The following PIGG variants were observed in gnomAD, a reference collection of about 807,000 sequenced individuals.
PIGG encodes the protein phosphatidylinositol glycan anchor biosynthesis class G (EMM blood group), also known as GPI ethanolamine phosphate transferase 2, catalytic subunit.
PIGG carries 70 observed loss-of-function variants against 83.2 expected under a neutral mutation model. The observed-to-expected ratio is 0.84, with a 90% CI of 0.69 to 1.03. The LOEUF is 1.03. PIGG is among the 50% of genes least tolerant of loss of function. PIGG has a pLI of 0.00. For synonymous variants in PIGG, 532 were observed against 519.5 expected, an observed-to-expected ratio of 1.02 and a Z score of -0.33; for missense variants, 1,257 against 1,233.6, an observed-to-expected ratio of 1.02 and a Z score of -0.28.
chr4:502,216 TCTCCAGCTTATTGG>T (rs1718003084), intron 2 of PIGG: 1 of 152,218 alleles, frequency 6.6e-6, no homozygotes, highest in Admixed American at 6.5e-5. Context: ...GGGGCCTCTG[TCTCCAGCTTATTGG>T]TTTTATTTCA....
At chr4:527,505 T>C in intron 10 of PIGG, 1 of 1,218,590 alleles carries the variant, frequency 8.2e-7, no homozygotes, top group Non-Finnish European at 1.0e-6. Flanking sequence ...TTTTTAAATT[T>C]AAAATAAAAC....
rs77516519 is a variant in PIGG, at chr4:521,454, A to G, written c.1332+181A>G. 0.082 allele frequency among the ~76,000 whole-genome samples: 12,456 copies of G among 152,200 alleles called. 580 individuals carry two copies. Among genetic ancestry groups the G allele is most frequent in the East Asian group, 0.2 (1,026 of 5,182 alleles). ...AAGACCCAGAGTATTGTCAGTGTCA[A>G]TTGGCCTCACTCAGTATTGCTGCAG... On this transcript the variant is annotated intron_variant, in intron 7 of 12. Coordinates refer to ENST00000453061, the MANE Select transcript of PIGG (RefSeq NM_001127178.3).
At chr4:534,014 G>A (rs376419857) in intron 12 of PIGG, 33 bp downstream of exon 12, 1 of 1,602,946 alleles carries the variant, frequency 6.2e-7, no homozygotes, top group African/African-American at 1.3e-5. Context: ...GCACAGTTCT[G>A]GGGGCCGGCT....
chr4:517,507 T>TTGGTGTTCTTTACA (rs1724331658), intron 6 of PIGG, among the ~76,000 whole-genome samples: 1 of 152,022 alleles, frequency 6.6e-6, no homozygotes, highest in African/African-American at 2.4e-5. Flanking sequence ...GGTGGGGGTG[T>TTGGTGTTCTTTACA]TGGTGTCCAG....
At chr4:518,896 C>T (rs776630881) in intron 6 of PIGG, among the ~76,000 whole-genome samples, 4 of 152,092 alleles carry the variant, frequency 2.6e-5, no homozygotes, top group Admixed American at 6.5e-5. Context: ...CCCTCGGTGG[C>T]GTCCAGTCTG....
intron 2 of PIGG, among the ~76,000 whole-genome samples, chr4:500,897 C>A (rs1027516676): frequency 6.6e-6 from 1 of 152,206 alleles, no homozygotes; most frequent in African/African-American, 2.4e-5. Context: ...GACCTGCTTT[C>A]TTCTTTAATC....
intron 6 of PIGG, 125 bp from the exon 7 acceptor site, chr4:520,931 G>C: frequency 1.5e-6 from 1 of 684,102 alleles, no homozygotes; most frequent in Non-Finnish European, 2.6e-6. Context: ...TCTTCATTAA[G>C]CGTCAGTTGT....
chr4:529,860 G>A (rs889901313), intron 10 of PIGG, among the ~76,000 whole-genome samples: 10 of 152,322 alleles, frequency 6.6e-5, no homozygotes, highest in African/African-American at 2.2e-4. Flanking sequence ...AGAGCAGCAG[G>A]GCTCGGACTG....
Position 507,584 on chromosome 4 carries a change from G to A in PIGG, c.750G>A (p.Leu250=), listed in dbSNP as rs145004132. 3,544 of 1,610,602 alleles carry A rather than the reference G, an allele frequency of 2.2e-3. 7 individuals carry two copies. Among genetic ancestry groups the A allele is most frequent in the Admixed American group, 3.5e-3 (208 of 59,744 alleles). The part of the protein sequence containing the change: ...DSVLMKIHTS[L]QSKERETPLP... ...TGCTGATGAAGATCCACACCTCACT[G>A]CAGTCGAAGGTGAGGCTCGCCGTCG... Residue 250 remains leucine (L), a synonymous_variant, in exon 4 of 13, where the codon CTG becomes CTA. Coordinates refer to ENST00000453061, the MANE Select transcript of PIGG (RefSeq NM_001127178.3).
In PIGG at chr4:505,819, T is replaced by A. The variant is rs1553878753; in HGVS notation, c.462T>A (p.Ala154=). ...GTGTGATAAGACAAGCAAAAGCAGCTGGAAAAAGAATAGTCTTTTATGGAG... is the reference window on the plus strand; with the variant it reads ...GTGTGATAAGACAAGCAAAAGCAGCAGGAAAAAGAATAGTCTTTTATGGAG... ...EDSVIRQAKA[A]GKRIVFYGDE... is the part of the protein sequence containing the mutation. Residue 154 remains alanine (A), a synonymous_variant, in exon 3 of 13, where the codon GCT becomes GCA. Coordinates refer to ENST00000453061, the MANE Select transcript of PIGG (RefSeq NM_001127178.3). 6.2e-7 allele frequency: 1 copy of A among 1,613,372 alleles called. No individual in the cohort carries two copies. The highest frequency in any genetic ancestry group is 8.5e-7 in the Non-Finnish European group (1 of 1,179,710).
chr4:530,104 C>T (rs1728649819), intron 10 of PIGG, among the ~76,000 whole-genome samples: 1 of 152,078 alleles, frequency 6.6e-6, no homozygotes, highest in South Asian at 2.1e-4. Flanking sequence ...TAATTAACTG[C>T]AAAGCAGGCG....
Position 499,502 on chromosome 4 carries a change from C to G in PIGG, c.154+13C>G, listed in dbSNP as rs1025401303. Reference sequence around the variant, plus strand: ...GAACCCTCGGCTGGTACGGACCCCTCCCCGGCGTCTCCGCTCCCCTGACCC... The same window carrying G: ...GAACCCTCGGCTGGTACGGACCCCTGCCCGGCGTCTCCGCTCCCCTGACCC... On this transcript the variant is annotated intron_variant, in intron 1 of 12. Transcript: ENST00000453061. 6.9e-6 allele frequency: 11 copies of G among 1,583,498 alleles called. No individual in the cohort carries two copies. The highest frequency in any genetic ancestry group is 9.4e-6 in the Non-Finnish European group (11 of 1,171,470).
intron 1 of PIGG, chr4:499,842 T>G: frequency 6.7e-6 from 4 of 597,140 alleles, no homozygotes; most frequent in African/African-American, 3.9e-5. Context: ...TTTTGCCCCC[T>G]AGCACACAAC....
At chr4:517,397 A>T (rs1223627303) in intron 6 of PIGG, among the ~76,000 whole-genome samples, 1 of 152,200 alleles carries the variant, frequency 6.6e-6, no homozygotes, top group African/African-American at 2.4e-5. Context: ...CAGAGGCGTT[A>T]GGTACGACTC....
rs1723601357 is a variant in PIGG, at chr4:515,695, C to G, written c.902-278C>G. ...ACCACCTGCTTCCTCTGTGTTCAGC[C>G]CATGCTCCGTAGCCCTTACTGTATG... is the stretch of plus-strand genomic sequence containing the variant. On this transcript the variant is annotated intron_variant, in intron 5 of 12. Transcript: ENST00000453061. This position sits in a 1 kb window ranked among gnomAD's most constrained non-coding sequence, Gnocchi z 4.2. 6.6e-6 allele frequency among the ~76,000 whole-genome samples: 1 copy of G among 152,226 alleles called. No homozygotes were observed. Among genetic ancestry groups the G allele is most frequent in the South Asian group, 2.1e-4 (1 of 4,832 alleles).
chr4:534,439 C>A (rs1192950922), intron 12 of PIGG, among the ~76,000 whole-genome samples: 1 of 150,162 alleles, frequency 6.7e-6, no homozygotes, highest in Non-Finnish European at 1.5e-5. Context: ...GGCTCCTGGC[C>A]AGGGCCGTGG....
At chr4:526,953 A>C in intron 9 of PIGG, 86 bp from the exon 10 acceptor site, 45 of 1,424,440 alleles carry the variant, frequency 3.2e-5, no homozygotes, top group Non-Finnish European at 4.1e-5. Flanking sequence ...GCTATTTTTT[A>C]ATACCGTTCT....
rs547476119 is a variant in PIGG, at chr4:509,390, G to A, written c.901+420G>A. On this transcript the variant is annotated intron_variant, in intron 5 of 12. Transcript: ENST00000453061. ...CCAGAGCAGGACAGACAGAGGCCCC[G>A]TCTGTCAGTATTCAGACACGCCCCA... Among the ~76,000 whole-genome samples the A allele has an allele frequency of 6.6e-5, 10 of 152,254 alleles. No homozygotes were observed. The East Asian group carries it at 1.7e-3, about 26-fold the overall frequency.
intron 7 of PIGG, 150 bp from the exon 8 acceptor site, chr4:521,509 TG>T: frequency 1.3e-6 from 1 of 780,238 alleles, no homozygotes; most frequent in Non-Finnish European, 2.0e-6. Flanking sequence ...CCATGCATTT[TG>T]GGGCAGTTAA....
Sources: gnomAD v4.1 joint callset for allele counts (sites outside exome capture counted in the v4.1 genomes callset) on GRCh38, gnomAD v4.1.1 for gene constraint, Gnocchi (gnomAD v3.1) non-coding constraint, MANE v1.5 for transcripts, NCBI Gene and HGNC (gene_info 2026-07-23, HGNC 2026-07-21) for gene names.